The following DIS3L variants were observed in gnomAD, a reference collection of about 807,000 sequenced individuals.
DIS3L encodes DIS3 like exosome 3'-5' exoribonuclease, also known as DIS3-like exonuclease 1.
Under a neutral mutation model 120.3 loss-of-function variants are expected in DIS3L, and 100 were observed. That is an observed-to-expected ratio of 0.83 (90% CI 0.71 to 0.98). The LOEUF (loss-of-function observed/expected upper bound fraction) is 0.98, where lower values mean the gene tolerates loss of function less well. Ranked by LOEUF, DIS3L falls within the 50% of genes least tolerant of loss-of-function variation. The pLI, the probability that DIS3L is intolerant of heterozygous loss-of-function variation, is 0.00. For missense variants in DIS3L, 1,196 were observed against 1,314.2 expected (o/e 0.91, Z 1.39); for synonymous variants, 426 against 470.6 (o/e 0.91, Z 1.23).
chr15:66,320,438 C>A, intron 8 of DIS3L, 133 bp from the exon 9 acceptor site: 3 of 907,830 alleles, frequency 3.3e-6, no homozygotes, highest in South Asian at 2.3e-5. Flanking sequence ...AAAAACCCTA[C>A]CATACACCAC....
chr15:66,331,160 G>GAAA (rs35235876), intron 14 of DIS3L, among the ~76,000 whole-genome samples: 8,662 of 151,744 alleles, frequency 0.057, 346 homozygotes, highest in Middle Eastern at 0.11. Flanking sequence ...ATCTCAAAAA[G>GAAA]AAGACAAAGA....
chr15:66,324,427 C>A (rs1246941032), intron 11 of DIS3L, among the ~76,000 whole-genome samples: 1 of 152,154 alleles, frequency 6.6e-6, no homozygotes, highest in African/African-American at 2.4e-5. Context: ...TCCGCCTTGG[C>A]CACCCAAAAA....
chr15:66,294,614 T>C (rs1046957833), intron 1 of DIS3L, among the ~76,000 whole-genome samples: 2 of 152,194 alleles, frequency 1.3e-5, no homozygotes, highest in African/African-American at 4.8e-5. Context: ...CAACTTTAAA[T>C]TGCTGGGCAT....
intron 7 of DIS3L, among the ~76,000 whole-genome samples, chr15:66,318,119 G>A (rs906057592): frequency 2.0e-5 from 3 of 152,010 alleles, no homozygotes; most frequent in Non-Finnish European, 2.9e-5. Context: ...GATCACAGGC[G>A]CACGCCACCA....
rs1595757988 is a variant in DIS3L at position 66,325,842 on chromosome 15, G to A, written c.1679G>A (p.Ser560Asn). 6.2e-7 allele frequency: 1 copy of A among 1,600,630 alleles called. No homozygotes were observed. The highest frequency in any genetic ancestry group is 8.6e-7 in the Non-Finnish European group (1 of 1,169,382). Reference protein sequence around the residue: ...LLGGVDRYAVSIMWELDKASY... With the variant: ...LLGGVDRYAVNIMWELDKASY... ...TACTGTTTTTGTAGGTATGCTGTAA[G>A]CATCATGTGGGAACTGGATAAAGCC... The change falls in exon 12 of 17, where the codon AGC (serine) becomes AAC (asparagine). Residue 560 changes from serine (S) to asparagine (N), a missense_variant. Transcript: ENST00000319212.
In DIS3L at chr15:66,293,992, C is replaced by G. The variant is rs1229145441; in HGVS notation, c.139+257C>G. 4 of 990,876 alleles carry G rather than the reference C, an allele frequency of 4.0e-6. No individual in the cohort carries two copies. The East Asian group carries it at 4.4e-4, about 110-fold the overall frequency. 61.4% of individuals were successfully genotyped at this position (990,876 alleles called of 1,614,324 possible). A position where few individuals can be genotyped will look rare whatever the true frequency, so the allele number is the denominator to read the frequency against. On this transcript the variant is annotated intron_variant, in intron 1 of 16. Coordinates refer to ENST00000319212, the MANE Select transcript of DIS3L (RefSeq NM_001143688.3). Reference sequence around the variant, plus strand: ...AATGGGAGGGCCCGACAGACCCGCACCCCATGCCGGAGGCCGGGTGGTTTG... The same window carrying G: ...AATGGGAGGGCCCGACAGACCCGCAGCCCATGCCGGAGGCCGGGTGGTTTG...
At chr15:66,311,091 ACTG>A (rs1337748620) in intron 4 of DIS3L, among the ~76,000 whole-genome samples, 2 of 150,522 alleles carry the variant, frequency 1.3e-5, no homozygotes, top group Non-Finnish European at 2.9e-5. Flanking sequence ...ATGTACACAT[ACTG>A]CTGGGCACAG....
intron 1 of DIS3L, 169 bp downstream of exon 1, chr15:66,293,904 C>T (rs2092553112): frequency 2.0e-6 from 2 of 1,001,074 alleles, no homozygotes; most frequent in Non-Finnish European, 2.4e-6. Context: ...CCGGTGGGGA[C>T]CCAGCGGCCC....
At chr15:66,313,607 G>A (rs2092784608) in intron 5 of DIS3L, among the ~76,000 whole-genome samples, 1 of 151,942 alleles carries the variant, frequency 6.6e-6, no homozygotes, top group Non-Finnish European at 1.5e-5. Context: ...GTGGACACCT[G>A]TAATCCCAGC....
At position 66,315,179 on chromosome 15, in the gene DIS3L, G is replaced by C. The variant is rs1298821262; in HGVS notation, c.958G>C (p.Ala320Pro). ...GTGTGAGAATGACTGTGACGACAAG[G>C]CTTCGGGCGAGTCCCCAAGTGAGCC... ...ALCENDCDDK[A>P]SGESPSEPMP... Residue 320 changes from alanine to proline, a missense_variant, in exon 7 of 17, where the codon GCT (alanine) becomes CCT (proline). Physicochemically the swap from Ala to Pro is conservative, Grantham distance 27 (BLOSUM62 -1). Transcript: ENST00000319212. The C allele has an allele frequency of 6.8e-6, 11 of 1,613,734 alleles. No homozygotes were observed. The highest frequency in any genetic ancestry group is 9.3e-6 in the Non-Finnish European group (11 of 1,179,868).
chr15:66,329,083 T>C lies in DIS3L; in HGVS notation c.2315T>C (p.Phe772Ser). 1 of 1,614,142 alleles carries C rather than the reference T, an allele frequency of 6.2e-7. No individual in the cohort carries two copies. The highest frequency in any genetic ancestry group is 8.5e-7 in the Non-Finnish European group (1 of 1,180,012). The change falls in exon 13 of 17, where the codon TTC (phenylalanine) becomes TCC (serine). Residue 772 changes from phenylalanine (F) to serine (S), a missense_variant. Phe to Ser is a radical substitution (Grantham distance 155). Transcript: ENST00000319212. ...ATQAMSNALY[F>S]STGSCAEEEF... Reference sequence around the variant, plus strand: ...CAGGCCATGTCGAATGCTCTGTACTTCTCCACCGGATCCTGTGCGGAGGAG... The same window carrying C: ...CAGGCCATGTCGAATGCTCTGTACTCCTCCACCGGATCCTGTGCGGAGGAG...
chr15:66,333,231 A>G lies in DIS3L; in HGVS notation c.3084A>G (p.Thr1028=). The G allele has an allele frequency of 6.2e-7, 1 of 1,614,154 alleles. No individual in the cohort carries two copies. The change falls in exon 17 of 17, where the codon ACA becomes ACG. Residue 1028 remains threonine (T), a synonymous_variant. Transcript: ENST00000319212. ...IQEEYQEYRQ[T]KGRSLYTLLE... ...AGGAATATCAAGAATATCGCCAAAC[A>G]AAGGGAAGGAGCCTATACACACTTC...
At chr15:66,307,395 C>T (rs542921736) in intron 3 of DIS3L, among the ~76,000 whole-genome samples, 2 of 152,044 alleles carry the variant, frequency 1.3e-5, no homozygotes, top group South Asian at 2.1e-4. Context: ...CTCCTGAGCT[C>T]GAGTTATCCT....
At chr15:66,304,089 CAAAA>C (rs34711611) in intron 2 of DIS3L, among the ~76,000 whole-genome samples, 2 of 72,620 alleles carry the variant, frequency 2.8e-5, no homozygotes, top group Non-Finnish European at 2.6e-5. Flanking sequence ...GACTCTGTTT[CAAAA>C]AAAAAAAAAA....
chr15:66,308,364 T>C (rs2092721903), intron 3 of DIS3L, among the ~76,000 whole-genome samples: 1 of 152,254 alleles, frequency 6.6e-6, no homozygotes, highest in Non-Finnish European at 1.5e-5. Flanking sequence ...CTTCATCTTT[T>C]AAGCCTCACA....
chr15:66,333,247 T>A lies in DIS3L; in HGVS notation c.3100T>A (p.Tyr1034Asn). Residue 1034 changes from tyrosine (Y) to asparagine (N), a missense_variant, in exon 17 of 17, where the codon TAC (tyrosine) becomes AAC (asparagine). By Grantham distance (143) the Tyr-to-Asn change is moderately radical. Coordinates refer to ENST00000319212, the MANE Select transcript of DIS3L (RefSeq NM_001143688.3). Reference protein sequence around the residue: ...EYRQTKGRSLYTLLEEIRDLA... With the variant: ...EYRQTKGRSLNTLLEEIRDLA... Reference sequence around the variant, plus strand: ...TCGCCAAACAAAGGGAAGGAGCCTATACACACTTCTAGAGGAGATACGGGA... The same window carrying A: ...TCGCCAAACAAAGGGAAGGAGCCTAAACACACTTCTAGAGGAGATACGGGA... The A allele has an allele frequency of 6.2e-7, 1 of 1,614,096 alleles. No individual in the cohort carries two copies. Among genetic ancestry groups the A allele is most frequent in the Non-Finnish European group, 8.5e-7 (1 of 1,180,028 alleles).
chr15:66,317,342 TG>T (rs11309737), intron 7 of DIS3L, among the ~76,000 whole-genome samples: 14,921 of 131,152 alleles, frequency 0.11, 957 homozygotes, highest in African/African-American at 0.15. Context: ...TAAATATTTG[TG>T]GGAAAAAAAA....
At chr15:66,301,312 G>C (rs901472739) in intron 2 of DIS3L, among the ~76,000 whole-genome samples, 1 of 151,554 alleles carries the variant, frequency 6.6e-6, no homozygotes, top group Non-Finnish European at 1.5e-5. Context: ...AAGGAGTCTC[G>C]CTCTGTCACC....
intron 7 of DIS3L, among the ~76,000 whole-genome samples, chr15:66,316,519 T>C (rs2092818583): frequency 6.6e-6 from 1 of 152,066 alleles, no homozygotes; most frequent in Non-Finnish European, 1.5e-5. Context: ...CAATGATCCT[T>C]CAGAAAGTGA....
Sources: gnomAD v4.1 joint callset for allele counts (sites outside exome capture counted in the v4.1 genomes callset) on GRCh38, gnomAD v4.1.1 for gene constraint, MANE v1.5 for transcripts, NCBI Gene and HGNC (gene_info 2026-07-23, HGNC 2026-07-21) for gene names.